The following UBE2W variants were observed in gnomAD, a reference collection of about 807,000 sequenced individuals.
UBE2W encodes the protein ubiquitin-conjugating enzyme E2 W.
In UBE2W, 18 loss-of-function variants were observed where a neutral mutation model predicts 27.2. That is an observed-to-expected ratio of 0.66 (90% CI 0.46 to 0.98). The LOEUF is 0.98. Among genes scored for constraint, UBE2W ranks in the 50% least tolerant of loss-of-function variants. UBE2W has a pLI of 0.00. For synonymous variants in UBE2W, 53 were observed against 57.2 expected (o/e 0.93, Z 0.33); for missense variants, 90 against 180.2 (o/e 0.50, Z 2.87).
chr8:73,825,141 A>G lies in UBE2W; in HGVS notation c.210+6T>C. On this transcript the variant is annotated splice_donor_region_variant and intron_variant, in intron 3 of 5. Coordinates refer to ENST00000602593, the MANE Select transcript of UBE2W (RefSeq NM_018299.6). ...CAAAAAAAAAAATTTAAAGCAAGGC[A>G]ATTACCTGAGGAGAGTCAAAAGGAT... is the stretch of plus-strand genomic sequence containing the variant. 2 of 1,528,900 alleles carry G rather than the reference A, an allele frequency of 1.3e-6. No homozygotes were observed. The highest frequency in any genetic ancestry group is 1.8e-6 in the Non-Finnish European group (2 of 1,139,248). 94.7% of individuals were successfully genotyped at this position (1,528,900 alleles called of 1,614,324 possible). A position where few individuals can be genotyped will look rare whatever the true frequency, so the allele number is the denominator to read the frequency against.
Position 73,849,919 on chromosome 8 carries a change from AAGAT to A in UBE2W, c.16-19451_16-19448del, listed in dbSNP as rs201138010. On this transcript the variant is annotated intron_variant, in intron 1 of 5. Transcript: ENST00000602593. ...CAAATGTTAAGGCCAAAAATAATAA[AAGAT>A]AGAATAACTATATAATGATATAGTC... Among the ~76,000 whole-genome samples, 1,136 of 152,272 alleles carry A rather than the reference AAGAT, an allele frequency of 7.5e-3. 11 individuals carry two copies. The highest frequency in any genetic ancestry group is 0.024 in the African/African-American group (1,002 of 41,548).
Position 73,791,800 on chromosome 8 carries a change from C to T in UBE2W, c.*2302G>A, listed in dbSNP as rs755405510. The T allele has an allele frequency of 7.1e-6, 7 of 984,254 alleles. No individual in the cohort carries two copies. Among genetic ancestry groups the T allele is most frequent in the Middle Eastern group, 5.2e-4 (1 of 1,934 alleles). 61.0% of individuals were successfully genotyped at this position (984,254 alleles called of 1,614,324 possible). A position where few individuals can be genotyped will look rare whatever the true frequency, so the allele number is the denominator to read the frequency against. On this transcript the variant is annotated 3_prime_UTR_variant, in exon 6 of 6. Transcript: ENST00000602593. ...CTACTCTTTAAACCATAAGATGTAC[C>T]GAAATTATTTCATTTTCCTCTACTT...
At chr8:73,809,356 CTG>C (rs1809054147) in intron 4 of UBE2W, among the ~76,000 whole-genome samples, 1 of 152,082 alleles carries the variant, frequency 6.6e-6, no homozygotes, top group Non-Finnish European at 1.5e-5. Context: ...GGAAAGAAAA[CTG>C]TAAAACACAA....
chr8:73,857,456 A>C (rs1053866310), intron 1 of UBE2W, among the ~76,000 whole-genome samples: 3 of 151,502 alleles, frequency 2.0e-5, no homozygotes, highest in African/African-American at 7.3e-5. Flanking sequence ...AAAAGATTGC[A>C]AGTATGTAAG....
In UBE2W at chr8:73,809,520, G is replaced by C. The variant is rs557848443; in HGVS notation, c.366+954C>G. The stretch of plus-strand genomic sequence containing the variant: ...TTAAGCAGGAATGACAAGAGTGTCA[G>C]AAGTGTACAGAGGATTCAGATACAT... On this transcript the variant is annotated intron_variant, in intron 4 of 5. Coordinates refer to ENST00000602593, the MANE Select transcript of UBE2W (RefSeq NM_018299.6). 5.3e-5 allele frequency among the ~76,000 whole-genome samples: 8 copies of C among 152,270 alleles called. No homozygotes were observed. The East Asian group carries it at 1.5e-3, about 29-fold the overall frequency.
chr8:73,809,011 C>A (rs907940999), intron 4 of UBE2W, among the ~76,000 whole-genome samples: 1 of 152,198 alleles, frequency 6.6e-6, no homozygotes, highest in African/African-American at 2.4e-5. Flanking sequence ...TAATAACTTT[C>A]TTATTAAATA....
rs1447487331 is a variant in UBE2W, at chr8:73,787,507, G to T, written c.*6595C>A. On this transcript the variant is annotated 3_prime_UTR_variant, in exon 6 of 6. Coordinates refer to ENST00000602593, the MANE Select transcript of UBE2W (RefSeq NM_018299.6). ...TCTACTAACATAGTTGTGTAGGACG[G>T]CAGGAACAGCTTGAGACATGATCGT... is the stretch of plus-strand genomic sequence containing the variant. 1 of 985,258 alleles carries T rather than the reference G, an allele frequency of 1.0e-6. No homozygotes were observed. The highest frequency in any genetic ancestry group is 1.7e-5 in the African/African-American group (1 of 57,212). 61.0% of individuals were successfully genotyped at this position (985,258 alleles called of 1,614,324 possible).
At chr8:73,860,469 T>G (rs1292806743) in intron 1 of UBE2W, among the ~76,000 whole-genome samples, 2 of 152,094 alleles carry the variant, frequency 1.3e-5, no homozygotes, top group Non-Finnish European at 2.9e-5. Context: ...AACATCTGAG[T>G]GATGATGCCA....
At chr8:73,840,139 C>T (rs1179440575) in intron 1 of UBE2W, among the ~76,000 whole-genome samples, 1 of 152,122 alleles carries the variant, frequency 6.6e-6, no homozygotes, top group Non-Finnish European at 1.5e-5. Flanking sequence ...TCACTGCAAA[C>T]TCTGCCTCCA....
chr8:73,860,996 T>C (rs1001952822), intron 1 of UBE2W, among the ~76,000 whole-genome samples: 6 of 152,142 alleles, frequency 3.9e-5, no homozygotes, highest in African/African-American at 1.4e-4. Flanking sequence ...CATGTACCTG[T>C]AGTCCTAGCT....
At chr8:73,856,743 T>C (rs1055736275) in intron 1 of UBE2W, among the ~76,000 whole-genome samples, 9 of 152,016 alleles carry the variant, frequency 5.9e-5, no homozygotes, top group African/African-American at 1.5e-4. Flanking sequence ...TGTTGCTCTA[T>C]TGTCCAGACT....
At chr8:73,794,316 T>C (rs77100823) in intron 5 of UBE2W, among the ~76,000 whole-genome samples, 4,030 of 152,278 alleles carry the variant, frequency 0.026, 73 homozygotes, top group Middle Eastern at 0.082. Context: ...TTCAGAGAAA[T>C]AGTTCACATA....
intron 1 of UBE2W, among the ~76,000 whole-genome samples, chr8:73,852,807 T>G (rs1030100474): frequency 2.3e-4 from 35 of 152,312 alleles, no homozygotes; most frequent in African/African-American, 8.4e-4. Context: ...AAGTTTGACT[T>G]GACCAACAAA....
intron 1 of UBE2W, among the ~76,000 whole-genome samples, chr8:73,874,761 C>G (rs1812147698): frequency 6.6e-6 from 1 of 152,210 alleles, no homozygotes; most frequent in Admixed American, 6.5e-5. Context: ...ATATAACATT[C>G]TCTTAATGAT....
chr8:73,782,270 G>A (rs151146164), downstream of UBE2W, among the ~76,000 whole-genome samples: 86 of 151,472 alleles, frequency 5.7e-4, 1 homozygote, highest in African/African-American at 2.0e-3. Context: ...TTTTAATTGA[G>A]GTATAATGTA....
chr8:73,867,517 G>C (rs569153957), intron 1 of UBE2W, among the ~76,000 whole-genome samples: 1 of 151,864 alleles, frequency 6.6e-6, no homozygotes, highest in Non-Finnish European at 1.5e-5. Flanking sequence ...TCTGGCAACA[G>C]GGCGAGACTC....
intron 5 of UBE2W, chr8:73,796,670 G>A (rs746087383): frequency 7.6e-5 from 75 of 984,700 alleles, no homozygotes; most frequent in Middle Eastern, 5.2e-4. Context: ...AGGGACTTGC[G>A]GGACTACGAA....
intron 5 of UBE2W, among the ~76,000 whole-genome samples, 179 bp downstream of exon 5, chr8:73,805,472 C>CAAACAAAAAAAACAAAACAAAAAAAA (rs1254739442): frequency 2.3e-5 from 1 of 43,676 alleles, no homozygotes; most frequent in Non-Finnish European, 5.0e-5. Context: ...AAAAAAAAAA[C>CAAACAAAAAAAACAAAACAAAAAAAA]AAAAAAAACT....
chr8:73,868,915 A>C (rs1343123359), intron 1 of UBE2W, among the ~76,000 whole-genome samples: 2 of 152,228 alleles, frequency 1.3e-5, no homozygotes, highest in Admixed American at 1.3e-4. Context: ...GCCTACATAA[A>C]AACTTGTACA....
Sources: allele counts gnomAD v4.1 joint callset (sites outside exome capture counted in the v4.1 genomes callset), GRCh38; gene constraint gnomAD v4.1.1; transcripts MANE v1.5; gene names NCBI Gene and HGNC (gene_info 2026-07-23, HGNC 2026-07-21).